Variants in ACAP2 observed in about 807,000 individuals in gnomAD.
ACAP2 encodes arf-GAP with coiled-coil, ANK repeat and PH domain-containing protein 2.
Under a neutral mutation model 115.8 loss-of-function variants are expected in ACAP2, and 39 were observed. The ratio of observed to expected loss-of-function variants is 0.34; its 90% CI spans 0.26 to 0.44. The LOEUF (loss-of-function observed/expected upper bound fraction) is 0.44, where lower values mean the gene tolerates loss of function less well. ACAP2 is among the 20% of genes least tolerant of loss of function. The probability of loss-of-function intolerance (pLI) is 1.00; values close to 1 mark genes in which losing one functional copy is unlikely to be tolerated. For synonymous variants in ACAP2, 289 were observed against 315.8 expected, an observed-to-expected ratio of 0.92 and a Z score of 0.90; for missense variants, 662 against 927.6, an observed-to-expected ratio of 0.71 and a Z score of 3.72.
At chr3:195,409,696 T>G (rs1267421470) in intron 1 of ACAP2, among the ~76,000 whole-genome samples, 1 of 151,312 alleles carries the variant, frequency 6.6e-6, no homozygotes, top group Non-Finnish European at 1.5e-5. Context: ...GCCAACATGG[T>G]GAAACCCCAT....
At chr3:195,298,302 C>CGCCT (rs111760812) in intron 15 of ACAP2, among the ~76,000 whole-genome samples, 1,892 of 141,282 alleles carry the variant, frequency 0.013, 30 homozygotes, top group African/African-American at 0.044. Context: ...ATCACCTAGG[C>CGCCT]GGTAGTGCAG....
At chr3:195,335,660 T>C (rs1244297712) in intron 7 of ACAP2, among the ~76,000 whole-genome samples, 2 of 152,144 alleles carry the variant, frequency 1.3e-5, no homozygotes, top group African/African-American at 4.8e-5. Flanking sequence ...ATAAATATTA[T>C]CTTTTAGAAA....
intron 4 of ACAP2, among the ~76,000 whole-genome samples, chr3:195,361,530 A>C (rs1732372671): frequency 6.6e-6 from 1 of 152,128 alleles, no homozygotes; most frequent in Non-Finnish European, 1.5e-5. Context: ...TAGTAAAAGC[A>C]GTATTAAGAG....
chr3:195,373,187 T>G (rs778047723), intron 4 of ACAP2, among the ~76,000 whole-genome samples: 1 of 151,814 alleles, frequency 6.6e-6, no homozygotes, highest in East Asian at 1.9e-4. Flanking sequence ...ATTCCAGCAC[T>G]TGGTGATGTG....
intron 4 of ACAP2, among the ~76,000 whole-genome samples, chr3:195,347,093 A>G (rs1167415956): frequency 6.6e-6 from 1 of 152,010 alleles, no homozygotes. Context: ...ATATGCCACA[A>G]AAAAAAATCA....
intron 2 of ACAP2, among the ~76,000 whole-genome samples, chr3:195,387,521 G>T (rs1267811116): frequency 1.3e-5 from 2 of 152,102 alleles, no homozygotes; most frequent in Admixed American, 1.3e-4. Flanking sequence ...AACAAATGAG[G>T]GTTTTTTCTT....
chr3:195,358,850 T>C (rs1034256317), intron 4 of ACAP2, among the ~76,000 whole-genome samples: 1 of 152,132 alleles, frequency 6.6e-6, no homozygotes, highest in Non-Finnish European at 1.5e-5. Flanking sequence ...AAGAAGGTTA[T>C]AGAATACCAA....
rs571843788 is a variant in ACAP2, at chr3:195,312,125, G to A, written c.858-3288C>T. On this transcript the variant is annotated intron_variant, in intron 10 of 22. Coordinates refer to ENST00000326793, the MANE Select transcript of ACAP2 (RefSeq NM_012287.6). The stretch of plus-strand genomic sequence containing the variant: ...CATGTTTGATCACTAGTCCCAGACT[G>A]CTCTTGTAATCAAGAACATGAGTAA... Among the ~76,000 whole-genome samples, 7 of 152,094 alleles carry A rather than the reference G, an allele frequency of 4.6e-5. 1 individual carries two copies. In the South Asian group the frequency reaches 1.4e-3, roughly 31 times the overall value.
chr3:195,387,442 G>A (rs1406060571), intron 2 of ACAP2, among the ~76,000 whole-genome samples: 1 of 152,106 alleles, frequency 6.6e-6, no homozygotes, highest in East Asian at 1.9e-4. Context: ...TATCAATTTT[G>A]CAATATTGCT....
At chr3:195,393,987 G>C (rs1019198250) in intron 1 of ACAP2, among the ~76,000 whole-genome samples, 6 of 152,046 alleles carry the variant, frequency 3.9e-5, no homozygotes, top group African/African-American at 1.4e-4. Flanking sequence ...ATGGGGATTT[G>C]ATAGCAGAAA....
chr3:195,395,599 T>C (rs1190960962), intron 1 of ACAP2, among the ~76,000 whole-genome samples: 1 of 152,258 alleles, frequency 6.6e-6, no homozygotes, highest in Non-Finnish European at 1.5e-5. Context: ...GTTAATTCAC[T>C]TCCGTAGTCT....
At chr3:195,423,622 C>CAAAA (rs59649323) in intron 1 of ACAP2, among the ~76,000 whole-genome samples, 4 of 92,646 alleles carry the variant, frequency 4.3e-5, no homozygotes, top group African/African-American at 8.3e-5. Flanking sequence ...GACTCCGTCT[C>CAAAA]AAAAAAAAAA....
At chr3:195,364,421 C>T (rs908081354) in intron 4 of ACAP2, among the ~76,000 whole-genome samples, 11 of 151,834 alleles carry the variant, frequency 7.2e-5, no homozygotes, top group Non-Finnish European at 1.6e-4. Flanking sequence ...GGCTTTTATC[C>T]AAGGCTGGGT....
chr3:195,349,147 T>C (rs1335390937), intron 4 of ACAP2, among the ~76,000 whole-genome samples: 1 of 152,070 alleles, frequency 6.6e-6, no homozygotes, highest in Non-Finnish European at 1.5e-5. Flanking sequence ...ATCAGTTGTA[T>C]TTCTAAGACC....
Position 195,333,104 on chromosome 3 carries a change from G to C in ACAP2, c.593C>G (p.Ala198Gly). 1 of 1,604,054 alleles carries C rather than the reference G, an allele frequency of 6.2e-7. No individual in the cohort carries two copies. The highest frequency in any genetic ancestry group is 1.1e-5 in the South Asian group (1 of 89,588). The change falls in exon 8 of 23, where the codon GCC becomes GGC. Residue 198 changes from alanine (A) to glycine (G), a missense_variant. Physicochemically the swap from Ala to Gly is moderately conservative, Grantham distance 60. This residue lies in a region of ACAP2 where 401 missense variants were observed against 604.4 expected (regional missense o/e 0.66). Transcript: ENST00000326793. ...ILKSMLSFMY[A>G]HLAFFHQGYD... The stretch of plus-strand genomic sequence containing the variant: ...TCCTTGATGAAAGAAGGCCAAATGG[G>C]CATACATAAATGACAACATCTAATA...
intron 8 of ACAP2, among the ~76,000 whole-genome samples, chr3:195,329,051 G>A (rs1425200208): frequency 6.8e-6 from 1 of 147,576 alleles, no homozygotes; most frequent in Non-Finnish European, 1.5e-5. Flanking sequence ...CTGTACTCCA[G>A]CCTGGGCAAC....
At chr3:195,283,458 T>A (rs1282632717) in intron 22 of ACAP2, among the ~76,000 whole-genome samples, 1 of 152,186 alleles carries the variant, frequency 6.6e-6, no homozygotes, top group Non-Finnish European at 1.5e-5. Context: ...TATCAAAAGA[T>A]TAAAAATACC....
At chr3:195,352,291 T>G (rs561593774) in intron 4 of ACAP2, among the ~76,000 whole-genome samples, 6 of 152,180 alleles carry the variant, frequency 3.9e-5, no homozygotes, top group Non-Finnish European at 7.3e-5. Flanking sequence ...AGGTTTGTGA[T>G]AAGTACATTC....
At chr3:195,432,170 A>C (rs1407885275) in intron 1 of ACAP2, among the ~76,000 whole-genome samples, 1 of 152,176 alleles carries the variant, frequency 6.6e-6, no homozygotes, top group African/African-American at 2.4e-5. Context: ...GTGTCCTTTG[A>C]AGCATGAAAG....
Sources: allele counts gnomAD v4.1 joint callset (sites outside exome capture counted in the v4.1 genomes callset), GRCh38; gene constraint gnomAD v4.1.1; regional missense constraint gnomAD v4.1.1; transcripts MANE v1.5; gene names NCBI Gene and HGNC (gene_info 2026-07-23, HGNC 2026-07-21).